Variants in KIAA1755 observed in about 807,000 individuals in gnomAD.
KIAA1755 encodes the protein KIAA1755.
A neutral mutation model predicts 91.7 loss-of-function variants in KIAA1755; 68 were observed. That is an observed-to-expected ratio of 0.74 (90% CI 0.61 to 0.91). The LOEUF is 0.91. KIAA1755 is among the 40% of genes least tolerant of loss of function. The pLI, the probability that KIAA1755 is intolerant of heterozygous loss-of-function variation, is 0.00. For missense variants in KIAA1755, 1,535 were observed against 1,494.4 expected (o/e 1.03, Z -0.45); for synonymous variants, 610 against 604.6 (o/e 1.01, Z -0.13).
intron 1 of KIAA1755, among the ~76,000 whole-genome samples, chr20:38,250,557 T>G (rs2123308912): frequency 6.7e-6 from 1 of 149,958 alleles, no homozygotes; most frequent in South Asian, 2.1e-4. Context: ...GCAGAAAGTT[T>G]AATAGGCAAG....
intron 12 of KIAA1755, chr20:38,217,817 G>A (rs1448657273): frequency 3.1e-5 from 14 of 454,348 alleles, no homozygotes; most frequent in East Asian, 7.8e-5. Flanking sequence ...CTTACTGTGC[G>A]CTTCCCTGTT....
chr20:38,218,326 T>G lies in KIAA1755; in HGVS notation c.2597A>C (p.Gln866Pro), dbSNP rs1409683900. ...WMEQEGRRCLQSLTPKDGSLE... is the reference protein window; with the variant it reads ...WMEQEGRRCLPSLTPKDGSLE... ...ACTTCCATCCTTGGGGGTCAGTGATTGCAGGCACCGCCTTCCTTCCTGCTC... is the reference window on the plus strand; with the variant it reads ...ACTTCCATCCTTGGGGGTCAGTGATGGCAGGCACCGCCTTCCTTCCTGCTC... Residue 866 changes from glutamine to proline, a missense_variant, in exon 12 of 14, where the codon CAA (glutamine) becomes CCA (proline). By Grantham distance (76) the Gln-to-Pro change is moderately conservative. Transcript: ENST00000279024. 2 of 1,614,102 alleles carry G rather than the reference T, an allele frequency of 1.2e-6. No homozygotes were observed. The highest frequency in any genetic ancestry group is 2.7e-5 in the African/African-American group (2 of 74,948).
At position 38,213,551 on chromosome 20, in the gene KIAA1755, C is replaced by G; in HGVS notation, c.3094G>C (p.Glu1032Gln). The change falls in exon 14 of 14, where the codon GAG becomes CAG. Residue 1032 changes from glutamate (E) to glutamine (Q), a missense_variant. Transcript: ENST00000279024. ...CTGATCCGGGCCTCCTCCCATAGCT[C>G]CTGGCCCAGGCCTGCCCGGCTCAGG... ...ASLSRAGLGQ[E>Q]LWEEARIRHE... The G allele has an allele frequency of 6.2e-7, 1 of 1,608,910 alleles. No homozygotes were observed. The highest frequency in any genetic ancestry group is 1.3e-5 in the African/African-American group (1 of 74,996).
chr20:38,227,106 G>T, intron 7 of KIAA1755, 48 bp downstream of exon 7: 1 of 1,437,464 alleles, frequency 7.0e-7, no homozygotes, highest in South Asian at 1.2e-5. Flanking sequence ...AGCTCAGCTC[G>T]AGCCCAACAA....
chr20:38,213,370 T>C lies in KIAA1755; in HGVS notation c.3275A>G (p.Gln1092Arg). ...CATGCCCAGTGAGTCTAGTGGAGGC[T>C]GATCCCACCTCCCCTTGGAAGTGAC... The part of the protein sequence containing the change: ...VEVTSKGRWD[Q>R]PPLDSLGMDH... Residue 1092 changes from glutamine (Q) to arginine (R), a missense_variant, in exon 14 of 14, where the codon CAG becomes CGG. Gln to Arg is a conservative substitution (Grantham distance 43). Transcript: ENST00000279024. The C allele has an allele frequency of 6.2e-7, 1 of 1,605,752 alleles. No homozygotes were observed. The highest frequency in any genetic ancestry group is 8.5e-7 in the Non-Finnish European group (1 of 1,175,664).
At chr20:38,217,138 T>C in intron 13 of KIAA1755, 115 bp downstream of exon 13, 1 of 838,276 alleles carries the variant, frequency 1.2e-6, no homozygotes. Context: ...ATCCAAGGGA[T>C]GGGGGCGGTG....
intron 2 of KIAA1755, 95 bp from the exon 3 acceptor site, chr20:38,242,024 A>C: frequency 7.7e-7 from 1 of 1,302,234 alleles, no homozygotes; most frequent in Middle Eastern, 2.7e-4. Flanking sequence ...AATCTGGAAC[A>C]GGTCAGGGAC....
chr20:38,260,437 G>A, intron 1 of KIAA1755, 61 bp downstream of exon 1: 1 of 1,556,206 alleles, frequency 6.4e-7, no homozygotes, highest in Non-Finnish European at 8.7e-7. Flanking sequence ...TGCAGGGAAT[G>A]GGGAGGGCTG....
chr20:38,241,767 T>G lies in KIAA1755; in HGVS notation c.364A>C (p.Lys122Gln), dbSNP rs1428902243. Residue 122 changes from lysine (K) to glutamine (Q), a missense_variant, in exon 3 of 14, where the codon AAA becomes CAA. Coordinates refer to ENST00000279024, the MANE Select transcript of KIAA1755 (RefSeq NM_001029864.2). ...GTGCAGAGGTCCAGGGAGAGGCATT[T>G]GATCATGATGCAGACAGACTGCTCC... ...QEEQSVCIMI[K>Q]CLSLDLCTVD... is the part of the protein sequence containing the mutation. 3 of 1,614,178 alleles carry G rather than the reference T, an allele frequency of 1.9e-6. No individual in the cohort carries two copies. The highest frequency in any genetic ancestry group is 2.5e-6 in the Non-Finnish European group (3 of 1,180,024).
At chr20:38,256,559 T>C (rs1296130031) in intron 1 of KIAA1755, among the ~76,000 whole-genome samples, 1 of 152,192 alleles carries the variant, frequency 6.6e-6, no homozygotes, top group Non-Finnish European at 1.5e-5. Flanking sequence ...TCCCAGCACT[T>C]TTGGGAGGCC....
chr20:38,228,089 G>T, intron 6 of KIAA1755, 58 bp downstream of exon 6: 1 of 1,317,292 alleles, frequency 7.6e-7, no homozygotes, highest in South Asian at 1.5e-5. Flanking sequence ...ATGAATGTCA[G>T]GAGGCCCCTG....
Position 38,231,329 on chromosome 20 carries a change from GA to G in KIAA1755, c.1748-5del. The G allele has an allele frequency of 6.2e-7, 1 of 1,605,848 alleles. No homozygotes were observed. Among genetic ancestry groups the G allele is most frequent in the Non-Finnish European group, 8.5e-7 (1 of 1,177,264 alleles). On this transcript the variant is annotated splice_polypyrimidine_tract_variant and splice_region_variant and intron_variant, in intron 4 of 13. Transcript: ENST00000279024. ...CGCCCGGCCCTGTCCCGGCCACCTG[GA>G]GGACAGAGGGCACACGTGAGCAGTG...
intron 13 of KIAA1755, among the ~76,000 whole-genome samples, chr20:38,214,883 G>A (rs1381362145): frequency 6.6e-6 from 1 of 152,258 alleles, no homozygotes; most frequent in East Asian, 1.9e-4. Context: ...AGGGATTGGA[G>A]AACCATTTTC....
intron 1 of KIAA1755, among the ~76,000 whole-genome samples, chr20:38,258,652 G>A (rs937464071): frequency 6.6e-6 from 1 of 152,118 alleles, no homozygotes; most frequent in Non-Finnish European, 1.5e-5. Context: ...ATTAGGTGAA[G>A]GTATTCCTCC....
At chr20:38,217,574 G>T in intron 12 of KIAA1755, 100 bp from the exon 13 acceptor site, 1 of 786,944 alleles carries the variant, frequency 1.3e-6, no homozygotes, top group Non-Finnish European at 2.0e-6. Context: ...CGAGCCAGGA[G>T]ACTTCCTGAG....
intron 1 of KIAA1755, among the ~76,000 whole-genome samples, chr20:38,255,380 A>G (rs2123344498): frequency 6.6e-6 from 1 of 152,252 alleles, no homozygotes; most frequent in East Asian, 1.9e-4. Context: ...TGGGGAATAG[A>G]GGGGCTTGGG....
rs1274083074 is a variant in KIAA1755 at position 38,210,864 on chromosome 20, T to C, written c.*2178A>G. The C allele has an allele frequency of 3.3e-5, 5 of 152,158 alleles. No homozygotes were observed. Among genetic ancestry groups the C allele is most frequent in the Admixed American group, 3.3e-4 (5 of 15,276 alleles). 9.4% of individuals were successfully genotyped at this position (152,158 alleles called of 1,614,324 possible). ...CCCTCTCTGAGGCAACAGGCATGGA[T>C]GGAGATGGGCTGATCAACGCCTCTT... On this transcript the variant is annotated 3_prime_UTR_variant, in exon 14 of 14. Coordinates refer to ENST00000279024, the MANE Select transcript of KIAA1755 (RefSeq NM_001029864.2).
chr20:38,253,929 G>A (rs2076295026), intron 1 of KIAA1755, among the ~76,000 whole-genome samples: 1 of 152,188 alleles, frequency 6.6e-6, no homozygotes. Context: ...TGTTGCCCAG[G>A]CTGGAGTGCA....
chr20:38,242,371 T>C (rs750666200), intron 2 of KIAA1755, among the ~76,000 whole-genome samples: 1 of 152,220 alleles, frequency 6.6e-6, no homozygotes, highest in Non-Finnish European at 1.5e-5. Context: ...AATTTCCCTA[T>C]CTGCAAATAG....
Sources: gnomAD v4.1 joint callset for allele counts (sites outside exome capture counted in the v4.1 genomes callset) on GRCh38, gnomAD v4.1.1 for gene constraint, MANE v1.5 for transcripts, NCBI Gene and HGNC (gene_info 2026-07-23, HGNC 2026-07-21) for gene names.